Variants in HCN1 observed in about 807,000 individuals in gnomAD.
HCN1 encodes the protein hyperpolarization activated cyclic nucleotide gated potassium channel 1, also known as potassium/sodium hyperpolarization-activated cyclic nucleotide-gated channel 1.
HCN1 carries 13 observed loss-of-function variants against 78.9 expected under a neutral mutation model. The ratio of observed to expected loss-of-function variants is 0.16; its 90% CI spans 0.11 to 0.26. The LOEUF (loss-of-function observed/expected upper bound fraction) is 0.26. HCN1 is among the 10% of genes least tolerant of loss of function. The pLI, the probability that HCN1 is intolerant of heterozygous loss-of-function variation, is 1.00. For missense variants in HCN1, 810 were observed against 1,154.3 expected (o/e 0.70, Z 4.32); for synonymous variants, 552 against 455.5 (o/e 1.21, Z -2.70).
chr5:45,607,446 A>G (rs1744745532), intron 2 of HCN1, among the ~76,000 whole-genome samples: 1 of 151,662 alleles, frequency 6.6e-6, no homozygotes. Context: ...CATCAAGACC[A>G]AGTTGGATTT....
chr5:45,379,316 A>G (rs1747756805), intron 4 of HCN1, among the ~76,000 whole-genome samples: 2 of 152,054 alleles, frequency 1.3e-5, no homozygotes, highest in Admixed American at 6.6e-5. Context: ...GCTCTTTTCT[A>G]TGATACGCTC....
chr5:45,673,316 A>C (rs912572022), intron 1 of HCN1, among the ~76,000 whole-genome samples: 1 of 151,520 alleles, frequency 6.6e-6, no homozygotes, highest in Non-Finnish European at 1.5e-5. Context: ...CTTAACTGTA[A>C]TGTTAGTCCA....
At chr5:45,497,871 C>G (rs1257878041) in intron 2 of HCN1, among the ~76,000 whole-genome samples, 2 of 152,228 alleles carry the variant, frequency 1.3e-5, no homozygotes, top group Non-Finnish European at 2.9e-5. Flanking sequence ...ATATGAAATT[C>G]TGGGTTGAAA....
At chr5:45,557,478 C>T (rs1743494348) in intron 2 of HCN1, among the ~76,000 whole-genome samples, 1 of 152,022 alleles carries the variant, frequency 6.6e-6, no homozygotes, top group Non-Finnish European at 1.5e-5. Context: ...TATCATTGCT[C>T]CTAAGTAAAG....
chr5:45,534,658 G>T (rs1337826868), intron 2 of HCN1, among the ~76,000 whole-genome samples: 4 of 149,584 alleles, frequency 2.7e-5, no homozygotes, highest in African/African-American at 9.7e-5. Flanking sequence ...GCCTATACGA[G>T]ATTCTAAGCC....
intron 3 of HCN1, among the ~76,000 whole-genome samples, chr5:45,441,970 GCAA>G (rs1472853166): frequency 2.6e-5 from 4 of 152,084 alleles, no homozygotes; most frequent in African/African-American, 9.7e-5. Context: ...TTTTTCCCTT[GCAA>G]CAATAAAGAA....
intron 3 of HCN1, among the ~76,000 whole-genome samples, chr5:45,399,073 G>A (rs1333340182): frequency 2.0e-5 from 3 of 152,314 alleles, no homozygotes; most frequent in East Asian, 3.9e-4. Context: ...ATGGTCCCTT[G>A]GGACTGATGA....
At chr5:45,279,969 A>G (rs1745127666) in intron 6 of HCN1, among the ~76,000 whole-genome samples, 1 of 152,110 alleles carries the variant, frequency 6.6e-6, no homozygotes, top group South Asian at 2.1e-4. Flanking sequence ...AAACAAAAAC[A>G]TCCTCTAGAA....
At chr5:45,329,070 T>G (rs1746290818) in intron 5 of HCN1, among the ~76,000 whole-genome samples, 1 of 151,576 alleles carries the variant, frequency 6.6e-6, no homozygotes, top group Non-Finnish European at 1.5e-5. Flanking sequence ...GAAAATAGAT[T>G]CAAGATTGGG....
At position 45,347,233 on chromosome 5, in the gene HCN1, C is replaced by T. The variant is rs543657909; in HGVS notation, c.1377+5867G>A. On this transcript the variant is annotated intron_variant, in intron 5 of 7. Transcript: ENST00000303230. ...CGAAAATCTGCTGTTCTGCAGCCAC[C>T]GCTGCTGATACCCAGGCAAACAAGG... Among the ~76,000 whole-genome samples, 30 of 152,284 alleles carry T rather than the reference C, an allele frequency of 2.0e-4. 1 individual carries two copies. In the East Asian group the frequency reaches 3.9e-3, roughly 20 times the overall value.
chr5:45,359,416 A>AAATAT (rs1554020375), intron 4 of HCN1, among the ~76,000 whole-genome samples: 4 of 142,562 alleles, frequency 2.8e-5, no homozygotes, highest in African/African-American at 1.0e-4. Flanking sequence ...AAAAAAAAAA[A>AAATAT]ATATATATAT....
intron 3 of HCN1, among the ~76,000 whole-genome samples, chr5:45,457,262 T>C (rs560486413): frequency 1.3e-5 from 2 of 152,234 alleles, no homozygotes; most frequent in Admixed American, 6.6e-5. Context: ...ATCATTTATT[T>C]TCTTATATTC....
intron 3 of HCN1, among the ~76,000 whole-genome samples, chr5:45,459,903 T>C (rs1741111503): frequency 6.6e-6 from 1 of 152,112 alleles, no homozygotes; most frequent in Admixed American, 6.6e-5. Context: ...TTACTATTTT[T>C]ACCATATACT....
At chr5:45,444,996 C>A (rs1457973857) in intron 3 of HCN1, among the ~76,000 whole-genome samples, 3 of 152,144 alleles carry the variant, frequency 2.0e-5, no homozygotes, top group Non-Finnish European at 2.9e-5. Flanking sequence ...ATCTGAGGTA[C>A]CAGGTTCATC....
chr5:45,402,726 A>C (rs1438732885), intron 3 of HCN1, among the ~76,000 whole-genome samples: 1 of 152,000 alleles, frequency 6.6e-6, no homozygotes, highest in Non-Finnish European at 1.5e-5. Flanking sequence ...CAGAAGGATT[A>C]ATGAAATATA....
At chr5:45,607,117 T>C (rs558135028) in intron 2 of HCN1, among the ~76,000 whole-genome samples, 77 of 151,952 alleles carry the variant, frequency 5.1e-4, no homozygotes, top group African/African-American at 1.8e-3. Flanking sequence ...GGTAAAGACA[T>C]ATTTTGGAAA....
chr5:45,633,424 C>A (rs982516897), intron 2 of HCN1, among the ~76,000 whole-genome samples: 3 of 152,012 alleles, frequency 2.0e-5, no homozygotes, highest in Non-Finnish European at 4.4e-5. Context: ...CACTATTCCC[C>A]ACTCCTGCTC....
At chr5:45,674,869 C>T (rs1746234192) in intron 1 of HCN1, among the ~76,000 whole-genome samples, 1 of 151,610 alleles carries the variant, frequency 6.6e-6, no homozygotes, top group African/African-American at 2.4e-5. Context: ...GGAAGGAAAC[C>T]AGGAGTTCTA....
intron 3 of HCN1, among the ~76,000 whole-genome samples, chr5:45,429,903 T>C (rs1184172941): frequency 2.0e-5 from 3 of 151,986 alleles, no homozygotes; most frequent in Non-Finnish European, 4.4e-5. Flanking sequence ...GTGGTGGGGA[T>C]AGACTATAAT....
Sources: gnomAD v4.1 joint callset for allele counts (sites outside exome capture counted in the v4.1 genomes callset) on GRCh38, gnomAD v4.1.1 for gene constraint, MANE v1.5 for transcripts, NCBI Gene and HGNC (gene_info 2026-07-23, HGNC 2026-07-21) for gene names.